CDH4: variants seen among roughly 807,000 people sequenced by gnomAD.
CDH4 encodes the protein cadherin-4.
Under a neutral mutation model 86.0 loss-of-function variants are expected in CDH4, and 33 were observed. That is an observed-to-expected ratio of 0.38 (90% confidence interval 0.29 to 0.51). The LOEUF (loss-of-function observed/expected upper bound fraction) is 0.51. Among genes scored for constraint, CDH4 ranks in the 20% least tolerant of loss-of-function variants. CDH4 has a pLI of 0.86. For missense variants in CDH4, 1,114 were observed against 1,307.4 expected (o/e 0.85, Z 2.28); for synonymous variants, 555 against 549.4 (o/e 1.01, Z -0.14).
Position 61,862,525 on chromosome 20 carries a change from G to A in CDH4, c.877+9627G>A, listed in dbSNP as rs370495425. On this transcript the variant is annotated intron_variant, in intron 6 of 15. Coordinates refer to ENST00000614565, the MANE Select transcript of CDH4 (RefSeq NM_001794.5). ...GGCCCACTGTGAGGCCAGGCGTCTCGTCCAGGGCAGGAGGGCAGTGGACAG... is the reference window on the plus strand; with the variant it reads ...GGCCCACTGTGAGGCCAGGCGTCTCATCCAGGGCAGGAGGGCAGTGGACAG... Among the ~76,000 whole-genome samples, 79 of 152,308 alleles carry A rather than the reference G, an allele frequency of 5.2e-4. 2 individuals are homozygous for A. Among genetic ancestry groups the A allele is most frequent in the East Asian group, 4.4e-3 (23 of 5,174 alleles).
intron 2 of CDH4, among the ~76,000 whole-genome samples, chr20:61,532,039 G>T (rs2145642409): frequency 6.6e-6 from 1 of 152,374 alleles, no homozygotes; most frequent in African/African-American, 2.4e-5. Flanking sequence ...AGTGGCGCCT[G>T]TTGCCGGCCC....
intron 2 of CDH4, among the ~76,000 whole-genome samples, chr20:61,690,070 G>T (rs369622882): frequency 6.0e-4 from 89 of 148,376 alleles, no homozygotes; most frequent in African/African-American, 2.2e-3. Context: ...ACGGTGAGTT[G>T]GTGAGGTGAT....
chr20:61,908,456 G>T (rs2054815533), intron 8 of CDH4, among the ~76,000 whole-genome samples: 1 of 152,176 alleles, frequency 6.6e-6, no homozygotes, highest in African/African-American at 2.4e-5. Flanking sequence ...AGGGGCGCGG[G>T]TGGGTCGGGT....
chr20:61,378,981 C>G (rs1401735770), intron 2 of CDH4, among the ~76,000 whole-genome samples: 1 of 152,148 alleles, frequency 6.6e-6, no homozygotes, highest in Non-Finnish European at 1.5e-5. Flanking sequence ...TCAGAGAGAC[C>G]CTCCCTTCCT....
intron 6 of CDH4, among the ~76,000 whole-genome samples, chr20:61,870,096 C>G (rs1342659235): frequency 6.6e-6 from 1 of 152,212 alleles, no homozygotes; most frequent in Non-Finnish European, 1.5e-5. Flanking sequence ...CCCTGAGGTG[C>G]TGGGAGTCCT....
intron 4 of CDH4, among the ~76,000 whole-genome samples, chr20:61,778,219 G>A (rs549954064): frequency 1.5e-4 from 23 of 152,290 alleles, no homozygotes; most frequent in African/African-American, 5.3e-4. Flanking sequence ...ACGGCTCCTG[G>A]AAGAAGCCCC....
At chr20:61,883,873 G>A (rs995134387) in intron 7 of CDH4, among the ~76,000 whole-genome samples, 8 of 152,224 alleles carry the variant, frequency 5.3e-5, no homozygotes, top group South Asian at 2.1e-4. Flanking sequence ...CAGAGAATGC[G>A]AGAGACAGAG....
At chr20:61,539,114 C>T (rs115617356) in intron 2 of CDH4, among the ~76,000 whole-genome samples, 239 of 152,250 alleles carry the variant, frequency 1.6e-3, no homozygotes, top group African/African-American at 5.2e-3. Flanking sequence ...ATACTCCACA[C>T]GCTCTGCTGC....
intron 2 of CDH4, among the ~76,000 whole-genome samples, chr20:61,404,930 G>A (rs1600946452): frequency 1.3e-5 from 2 of 152,046 alleles, no homozygotes; most frequent in East Asian, 3.9e-4. Context: ...CGTGCCTGTA[G>A]TCCCAGCTAT....
At chr20:61,596,808 A>G (rs2086560485) in intron 2 of CDH4, among the ~76,000 whole-genome samples, 1 of 152,130 alleles carries the variant, frequency 6.6e-6, no homozygotes. Context: ...AGGCATCTGC[A>G]TGTCTTCTTC....
In CDH4 at chr20:61,743,584, G is replaced by A; in HGVS notation, c.191G>A (p.Gly64Glu). The change falls in exon 3 of 16, where the codon GGG becomes GAG. Residue 64 changes from glycine (G) to glutamate (E), a missense_variant. Around this residue, in one of 3 missense-constraint regions of CDH4, gnomAD observed 221 missense variants for 209.5 expected, o/e 1.05. Transcript: ENST00000614565. ...LLQVKFSSCV[G>E]TKGTQYETNS... Reference sequence around the variant, plus strand: ...GCAGTCAAGTTCAGCAGCTGTGTGGGGACCAAGGGGACACAATATGAGACC... The same window carrying A: ...GCAGTCAAGTTCAGCAGCTGTGTGGAGACCAAGGGGACACAATATGAGACC... 6.4e-7 allele frequency: 1 copy of A among 1,569,178 alleles called. No individual in the cohort carries two copies. The highest frequency in any genetic ancestry group is 1.3e-5 in the African/African-American group (1 of 74,190).
chr20:61,322,862 A>G (rs1439954472), intron 2 of CDH4, among the ~76,000 whole-genome samples: 1 of 152,176 alleles, frequency 6.6e-6, no homozygotes, highest in Non-Finnish European at 1.5e-5. Flanking sequence ...CATTTCTTCA[A>G]GAGTGTATTG....
At chr20:61,664,112 G>T (rs1361208121) in intron 2 of CDH4, among the ~76,000 whole-genome samples, 6 of 152,134 alleles carry the variant, frequency 3.9e-5, no homozygotes, top group African/African-American at 1.4e-4. Flanking sequence ...GATTTCCACT[G>T]ACCCTGCACC....
At chr20:61,756,651 G>A (rs975421003) in intron 3 of CDH4, among the ~76,000 whole-genome samples, 5 of 151,668 alleles carry the variant, frequency 3.3e-5, no homozygotes, top group Admixed American at 6.6e-5. Context: ...CCCTGAGAGC[G>A]GAGGCCTTGT....
At chr20:61,424,645 C>T (rs920029481) in intron 2 of CDH4, among the ~76,000 whole-genome samples, 2 of 152,206 alleles carry the variant, frequency 1.3e-5, no homozygotes, top group African/African-American at 4.8e-5. Context: ...CCCTGTCACC[C>T]ACTCTTCCCC....
chr20:61,808,724 C>T (rs916114907), intron 4 of CDH4, among the ~76,000 whole-genome samples: 4 of 152,376 alleles, frequency 2.6e-5, no homozygotes, highest in East Asian at 3.9e-4. Context: ...CCGTCCAACC[C>T]GCGTTCCTGC....
intron 2 of CDH4, among the ~76,000 whole-genome samples, chr20:61,453,112 G>T (rs950228842): frequency 6.6e-5 from 10 of 152,116 alleles, no homozygotes; most frequent in Non-Finnish European, 1.2e-4. Context: ...TAAGCCATAA[G>T]ACATTTGAAA....
chr20:61,477,614 G>A (rs1303672911), intron 2 of CDH4, among the ~76,000 whole-genome samples: 2 of 152,188 alleles, frequency 1.3e-5, no homozygotes, highest in African/African-American at 4.8e-5. Flanking sequence ...CCCAGCTGGC[G>A]CCTCTGCATC....
intron 7 of CDH4, among the ~76,000 whole-genome samples, chr20:61,876,882 A>G (rs1157152780): frequency 2.0e-5 from 3 of 152,166 alleles, no homozygotes; most frequent in African/African-American, 7.2e-5. Context: ...ATATTGTAGG[A>G]AAGAATATGT....
Sources: gnomAD v4.1 joint callset for allele counts (sites outside exome capture counted in the v4.1 genomes callset) on GRCh38, gnomAD v4.1.1 for gene constraint, gnomAD v4.1.1 regional missense constraint, MANE v1.5 for transcripts, NCBI Gene and HGNC (gene_info 2026-07-23, HGNC 2026-07-21) for gene names.